Variants in ATRNL1 observed in about 807,000 individuals in gnomAD.
ATRNL1 encodes attractin like 1, also known as attractin-like protein 1.
Under a neutral mutation model 182.7 loss-of-function variants are expected in ATRNL1, and 95 were observed. The observed-to-expected ratio is 0.52, with a 90% CI of 0.44 to 0.62. ATRNL1 has a LOEUF of 0.62. Ranked by LOEUF, ATRNL1 falls within the 20% of genes least tolerant of loss-of-function variation. The pLI is 0.00. For missense variants in ATRNL1, 1,471 were observed against 1,679.5 expected, an observed-to-expected ratio of 0.88 and a Z score of 2.17; for synonymous variants, 576 against 568.3, an observed-to-expected ratio of 1.01 and a Z score of -0.19.
intron 27 of ATRNL1, among the ~76,000 whole-genome samples, chr10:115,759,216 T>C (rs1948669723): frequency 1.3e-5 from 2 of 152,230 alleles, no homozygotes; most frequent in African/African-American, 4.8e-5. Context: ...AAATTTTTGT[T>C]TTGATTTACC....
At chr10:115,202,525 G>A (rs1259514271) in intron 8 of ATRNL1, among the ~76,000 whole-genome samples, 1 of 152,152 alleles carries the variant, frequency 6.6e-6, no homozygotes, top group Non-Finnish European at 1.5e-5. Flanking sequence ...TTTACATGAT[G>A]GATTACATTT....
At chr10:115,693,435 A>C (rs1173322873) in intron 26 of ATRNL1, among the ~76,000 whole-genome samples, 1 of 152,132 alleles carries the variant, frequency 6.6e-6, no homozygotes, top group Non-Finnish European at 1.5e-5. Flanking sequence ...TATTGGCTTC[A>C]TGCTTTTTGT....
At chr10:115,103,039 T>TG (rs1843843105) in intron 1 of ATRNL1, among the ~76,000 whole-genome samples, 1 of 108,760 alleles carries the variant, frequency 9.2e-6, no homozygotes, top group Non-Finnish European at 2.0e-5. Flanking sequence ...ATATTTTTAG[T>TG]GTTTTTTTTT....
intron 28 of ATRNL1, among the ~76,000 whole-genome samples, chr10:115,897,930 T>C (rs1952249665): frequency 6.7e-6 from 1 of 150,172 alleles, no homozygotes; most frequent in Non-Finnish European, 1.5e-5. Context: ...TAGGTCATCC[T>C]TATTTTTTTT....
intron 19 of ATRNL1, among the ~76,000 whole-genome samples, chr10:115,385,963 G>T (rs1858323028): frequency 6.6e-6 from 1 of 151,954 alleles, no homozygotes; most frequent in Non-Finnish European, 1.5e-5. Flanking sequence ...AATTGCTATG[G>T]TTTTAAAGCA....
At chr10:115,399,280 A>G (rs782477484) in intron 20 of ATRNL1, among the ~76,000 whole-genome samples, 3 of 151,842 alleles carry the variant, frequency 2.0e-5, no homozygotes, top group Non-Finnish European at 4.4e-5. Context: ...TATCTGGTAG[A>G]ATTCATCTGT....
chr10:115,598,167 A>C (rs1490160622), intron 26 of ATRNL1, among the ~76,000 whole-genome samples: 2 of 151,626 alleles, frequency 1.3e-5, no homozygotes, highest in Non-Finnish European at 2.9e-5. Flanking sequence ...ATAAAACAAT[A>C]GCATCAGCAT....
chr10:115,194,557 T>C (rs1328516863), intron 8 of ATRNL1, among the ~76,000 whole-genome samples: 9 of 152,008 alleles, frequency 5.9e-5, no homozygotes, highest in Non-Finnish European at 1.2e-4. Flanking sequence ...GGAATATCTT[T>C]TTTCATCCCT....
chr10:115,181,886 T>C (rs922271235), intron 8 of ATRNL1, among the ~76,000 whole-genome samples: 2 of 151,644 alleles, frequency 1.3e-5, no homozygotes, highest in African/African-American at 4.8e-5. Context: ...TAGTAAAAAG[T>C]TGAAAGATCT....
intron 1 of ATRNL1, among the ~76,000 whole-genome samples, chr10:115,101,549 A>G (rs1342866013): frequency 2.0e-5 from 3 of 152,108 alleles, no homozygotes; most frequent in African/African-American, 7.2e-5. Context: ...CCTAAGATAA[A>G]CTTCCTCTGA....
chr10:115,530,869 A>C (rs1554988041), intron 25 of ATRNL1, among the ~76,000 whole-genome samples: 1 of 146,406 alleles, frequency 6.8e-6, no homozygotes, highest in African/African-American at 2.5e-5. Context: ...ATGAGTGAGA[A>C]CATGTGGTGT....
chr10:115,944,810 C>G lies in ATRNL1; in HGVS notation c.*31C>G, dbSNP rs1221890449. ...GGAAACCGCTCCTGTATATTCTGTA[C>G]TGTTTTACTTCGGGCTTCTGTTAAA... On this transcript the variant is annotated 3_prime_UTR_variant, in exon 29 of 29. Coordinates refer to ENST00000355044, the MANE Select transcript of ATRNL1 (RefSeq NM_207303.4). 3 of 1,601,642 alleles carry G rather than the reference C, an allele frequency of 1.9e-6. No individual in the cohort carries two copies. Among genetic ancestry groups the G allele is most frequent in the African/African-American group, 2.7e-5 (2 of 74,258 alleles).
At chr10:115,527,878 C>T (rs1851311647) in intron 25 of ATRNL1, among the ~76,000 whole-genome samples, 1 of 106,094 alleles carries the variant, frequency 9.4e-6, no homozygotes, top group African/African-American at 3.4e-5. Context: ...TTCCTTCCCT[C>T]CCTCCCTCCT....
At chr10:115,311,587 G>T (rs1854030415) in intron 17 of ATRNL1, among the ~76,000 whole-genome samples, 1 of 152,126 alleles carries the variant, frequency 6.6e-6, no homozygotes, top group African/African-American at 2.4e-5. Context: ...TGCATATTCT[G>T]CAGTTCTTGG....
At chr10:115,717,563 T>TTTTTTTTTTTTTTTTTTTTTTTA (rs1947294032) in intron 26 of ATRNL1, among the ~76,000 whole-genome samples, 1 of 142,788 alleles carries the variant, frequency 7.0e-6, no homozygotes, top group Non-Finnish European at 1.5e-5. Context: ...TTTTTTTTTT[T>TTTTTTTTTTTTTTTTTTTTTTTA]TTTTTTGAGA....
At position 115,094,026 on chromosome 10, in the gene ATRNL1, C is replaced by T. The variant is rs782339632; in HGVS notation, c.276C>T (p.His92=). 2 of 1,544,986 alleles carry T rather than the reference C, an allele frequency of 1.3e-6. No individual in the cohort carries two copies. Among genetic ancestry groups the T allele is most frequent in the Non-Finnish European group, 1.7e-6 (2 of 1,144,996 alleles). ...GCTGGGTGGGGGACCAGTGCCAGCA[C>T]TGCCAGGGCAGGTTCAAGTAAGTGC... ...DPGWVGDQCQ[H]CQGRFKLTEP... Residue 92 remains histidine (H), a synonymous_variant, in exon 1 of 29, where the codon CAC becomes CAT. Coordinates refer to ENST00000355044, the MANE Select transcript of ATRNL1 (RefSeq NM_207303.4).
At chr10:115,235,680 A>G (rs1159752210) in intron 9 of ATRNL1, among the ~76,000 whole-genome samples, 5 of 152,194 alleles carry the variant, frequency 3.3e-5, no homozygotes, top group African/African-American at 7.2e-5. Context: ...ACTATTAAGA[A>G]TGAGGCTGCT....
intron 26 of ATRNL1, among the ~76,000 whole-genome samples, chr10:115,587,320 G>C (rs1235170509): frequency 1.3e-5 from 2 of 152,136 alleles, no homozygotes; most frequent in Non-Finnish European, 2.9e-5. Flanking sequence ...TTGTTTACCT[G>C]ACCAAGCCTT....
intron 28 of ATRNL1, among the ~76,000 whole-genome samples, chr10:115,854,233 A>C (rs897285118): frequency 2.3e-4 from 35 of 152,260 alleles, no homozygotes; most frequent in Admixed American, 1.3e-4. Context: ...TAATCGAGTG[A>C]TAAACATAGT....
Sources: gnomAD v4.1 joint callset for allele counts (sites outside exome capture counted in the v4.1 genomes callset) on GRCh38, gnomAD v4.1.1 for gene constraint, MANE v1.5 for transcripts, NCBI Gene and HGNC (gene_info 2026-07-23, HGNC 2026-07-21) for gene names.